Variants in EYA2 observed in about 807,000 individuals in gnomAD.
EYA2 encodes the protein EYA transcriptional coactivator and phosphatase 2, also known as protein phosphatase EYA2.
In EYA2, 31 loss-of-function variants were observed where a neutral mutation model predicts 69.2. The ratio of observed to expected loss-of-function variants is 0.45; its 90% CI spans 0.34 to 0.60. The LOEUF is 0.60. Ranked by LOEUF, EYA2 falls within the 20% of genes least tolerant of loss-of-function variation. The probability of loss-of-function intolerance (pLI) is 0.02; values close to 1 mark genes in which losing one functional copy is unlikely to be tolerated. For missense variants in EYA2, 622 were observed against 701.2 expected, an observed-to-expected ratio of 0.89 and a Z score of 1.28; for synonymous variants, 257 against 279.4, an observed-to-expected ratio of 0.92 and a Z score of 0.80.
intron 1 of EYA2, among the ~76,000 whole-genome samples, chr20:46,973,243 C>T (rs898295643): frequency 2.0e-5 from 3 of 152,150 alleles, no homozygotes; most frequent in Admixed American, 6.5e-5. Context: ...TTAACAACAC[C>T]GTGAACAGGC....
At chr20:47,100,856 C>T (rs1021538522) in intron 9 of EYA2, among the ~76,000 whole-genome samples, 4 of 152,230 alleles carry the variant, frequency 2.6e-5, no homozygotes, top group South Asian at 4.1e-4. Context: ...ATTTCACTCC[C>T]CTGCAGTCCA....
intron 1 of EYA2, chr20:46,901,509 C>G (rs1417753534): frequency 6.6e-6 from 1 of 152,168 alleles, no homozygotes; most frequent in Admixed American, 6.5e-5. Context: ...GGTACCAACC[C>G]AGGTGCTGAT....
chr20:46,978,292 TA>T lies in EYA2; in HGVS notation c.-10-11707del. 5 of 279,656 alleles carry T rather than the reference TA, an allele frequency of 1.8e-5. No homozygotes were observed. The South Asian group carries it at 1.8e-4, about 10-fold the overall frequency. 17.3% of individuals were successfully genotyped at this position (279,656 alleles called of 1,614,324 possible). On this transcript the variant is annotated intron_variant, in intron 1 of 15. Coordinates refer to ENST00000327619, the MANE Select transcript of EYA2 (RefSeq NM_005244.5). Reference sequence around the variant, plus strand: ...CATGGGGAGACCTAGGGAAATTAAATAACTCACAAACACCTGTAAAAACTGT... The same window carrying T: ...CATGGGGAGACCTAGGGAAATTAAATACTCACAAACACCTGTAAAAACTGT...
intron 1 of EYA2, among the ~76,000 whole-genome samples, chr20:46,982,366 A>G (rs1023566662): frequency 1.3e-5 from 2 of 152,104 alleles, no homozygotes; most frequent in African/African-American, 4.8e-5. Flanking sequence ...TCCCCCTCTG[A>G]CTGCTTTTAA....
At chr20:47,047,901 T>C (rs552229819) in intron 5 of EYA2, among the ~76,000 whole-genome samples, 1 of 149,472 alleles carries the variant, frequency 6.7e-6, no homozygotes, top group South Asian at 2.2e-4. Flanking sequence ...CCTTGGCTTG[T>C]AGCCTCTTTC....
rs766738869 is a variant in EYA2, at chr20:47,074,209, G to C, written c.535G>C (p.Gly179Arg). 1.4e-5 allele frequency: 23 copies of C among 1,613,672 alleles called. No homozygotes were observed. The highest frequency in any genetic ancestry group is 1.6e-4 in the Middle Eastern group (1 of 6,080). Residue 179 changes from glycine to arginine, a missense_variant, in exon 7 of 16, where the codon GGC (glycine) becomes CGC (arginine). Transcript: ENST00000327619. ...CCAGAGCCAGTACCCCCAGTATTACGGCTCATCCTACAACCCTCCCTACGT... is the reference window on the plus strand; with the variant it reads ...CCAGAGCCAGTACCCCCAGTATTACCGCTCATCCTACAACCCTCCCTACGT... Reference protein sequence around the residue: ...FPQSQYPQYYGSSYNPPYVPA... With the variant: ...FPQSQYPQYYRSSYNPPYVPA...
intron 1 of EYA2, among the ~76,000 whole-genome samples, chr20:46,985,814 G>A (rs1196697388): frequency 3.3e-5 from 5 of 152,148 alleles, no homozygotes; most frequent in African/African-American, 9.7e-5. Flanking sequence ...ATGTGAAATT[G>A]TCTCATTTTT....
Position 47,001,474 on chromosome 20 carries a change from G to T in EYA2, c.155+1G>T, listed in dbSNP as rs1982367971. 5 of 1,614,074 alleles carry T rather than the reference G, an allele frequency of 3.1e-6. No homozygotes were observed. The highest frequency in any genetic ancestry group is 4.2e-6 in the Non-Finnish European group (5 of 1,179,958). On this transcript the variant is annotated splice_donor_variant, in intron 3 of 15. Transcript: ENST00000327619. LOFTEE classifies it high-confidence loss of function. ...TGAGAGTGTCCCAGCTCTTCTCCAG[G>T]TGAGTGCCATTCACTTGTCTCCTGC...
At position 47,004,971 on chromosome 20, in the gene EYA2, C is replaced by A. The variant is rs564717893; in HGVS notation, c.185C>A (p.Pro62His). 6.2e-7 allele frequency: 1 copy of A among 1,614,126 alleles called. No homozygotes were observed. The highest frequency in any genetic ancestry group is 1.3e-5 in the African/African-American group (1 of 75,032). The change falls in exon 4 of 16, where the codon CCT (proline) becomes CAT (histidine). Residue 62 changes from proline to histidine, a missense_variant. Physicochemically the swap from Pro to His is moderately conservative, Grantham distance 77. Transcript: ENST00000327619. ...RSCPRVLPRQ[P>H]STAMAAYGQT... ...TGCCCACGTGTCCTCCCCCGCCAGC[C>A]TTCCACAGCCATGGCAGCCTACGGC... is the stretch of plus-strand genomic sequence containing the variant.
intron 5 of EYA2, among the ~76,000 whole-genome samples, chr20:47,068,140 G>A (rs1465714357): frequency 6.6e-6 from 1 of 152,180 alleles, no homozygotes; most frequent in Non-Finnish European, 1.5e-5. Flanking sequence ...ATGGAACATG[G>A]GAATGGCAAT....
intron 5 of EYA2, among the ~76,000 whole-genome samples, chr20:47,022,460 C>A (rs544111343): frequency 6.6e-6 from 1 of 151,856 alleles, no homozygotes; most frequent in African/African-American, 2.4e-5. Flanking sequence ...ATTACAGGCG[C>A]CTGCCACCAC....
chr20:47,050,475 C>T (rs575777615), intron 5 of EYA2, among the ~76,000 whole-genome samples: 90 of 152,194 alleles, frequency 5.9e-4, no homozygotes, highest in African/African-American at 1.9e-3. Context: ...CACCCACATT[C>T]GGGGACTTTG....
intron 5 of EYA2, among the ~76,000 whole-genome samples, chr20:47,021,001 C>A (rs939202872): frequency 6.6e-6 from 1 of 152,190 alleles, no homozygotes; most frequent in Non-Finnish European, 1.5e-5. Context: ...CTTCTCAGTC[C>A]TCCAGTTTCC....
intron 9 of EYA2, 141 bp from the exon 10 acceptor site, chr20:47,142,918 G>A (rs763714126): frequency 1.5e-5 from 8 of 550,598 alleles, no homozygotes; most frequent in Non-Finnish European, 2.5e-5. Flanking sequence ...GCCTCACACA[G>A]AGACTCATTT....
At chr20:47,005,755 A>G (rs1223587225) in intron 4 of EYA2, among the ~76,000 whole-genome samples, 2 of 152,264 alleles carry the variant, frequency 1.3e-5, no homozygotes, top group Non-Finnish European at 2.9e-5. Flanking sequence ...GGCAGAAACA[A>G]CAGACCTCCA....
intron 5 of EYA2, among the ~76,000 whole-genome samples, chr20:47,071,184 A>G (rs557389190): frequency 2.6e-4 from 40 of 151,996 alleles, no homozygotes; most frequent in Admixed American, 7.9e-4. Context: ...TAATTTTTGT[A>G]TTTTTAGTAG....
intron 1 of EYA2, among the ~76,000 whole-genome samples, chr20:46,980,863 TTC>T (rs2146312783): frequency 6.6e-6 from 1 of 152,360 alleles, no homozygotes; most frequent in African/African-American, 2.4e-5. Flanking sequence ...ATATTTGTCT[TTC>T]TGTCCTTGGC....
intron 5 of EYA2, among the ~76,000 whole-genome samples, chr20:47,027,196 C>T (rs1244884487): frequency 1.3e-5 from 2 of 152,210 alleles, no homozygotes; most frequent in Non-Finnish European, 2.9e-5. Flanking sequence ...CCAGTGGCCT[C>T]CTCATGGTGA....
chr20:47,142,813 A>T (rs2033623480), intron 9 of EYA2, among the ~76,000 whole-genome samples: 1 of 152,226 alleles, frequency 6.6e-6, no homozygotes, highest in Admixed American at 6.5e-5. Flanking sequence ...TCCCAGGGTC[A>T]TTTTCCAGGA....
Sources: allele counts gnomAD v4.1 joint callset (sites outside exome capture counted in the v4.1 genomes callset), GRCh38; gene constraint gnomAD v4.1.1; transcripts MANE v1.5; gene names NCBI Gene and HGNC (gene_info 2026-07-23, HGNC 2026-07-21).